USH2A: variants seen among roughly 807,000 people sequenced by gnomAD.
The protein encoded by USH2A is usherin.
USH2A carries 443 observed loss-of-function variants against 538.9 expected under a neutral mutation model. That is an observed-to-expected ratio of 0.82 (90% CI 0.76 to 0.89). The LOEUF (loss-of-function observed/expected upper bound fraction) is 0.89. Among genes scored for constraint, USH2A ranks in the 40% least tolerant of loss-of-function variants. The probability of loss-of-function intolerance (pLI) is 0.00; values close to 1 mark genes in which losing one functional copy is unlikely to be tolerated. For missense variants in USH2A, 6,633 were observed against 6,324.8 expected (o/e 1.05, Z -1.65); for synonymous variants, 2,413 against 2,273.5 (o/e 1.06, Z -1.75).
intron 60 of USH2A, 143 bp from the exon 61 acceptor site, chr1:215,728,527 C>A: frequency 2.5e-6 from 2 of 795,444 alleles, no homozygotes; most frequent in Non-Finnish European, 4.1e-6. Context: ...TAAAGAAAAA[C>A]CAGATGGAGA....
At chr1:215,738,467 G>A (rs924109123) in intron 60 of USH2A, among the ~76,000 whole-genome samples, 24 of 152,142 alleles carry the variant, frequency 1.6e-4, no homozygotes, top group East Asian at 5.8e-4. Flanking sequence ...ATTTTGTTTC[G>A]TTTTTGAAAT....
At chr1:215,690,955 C>G (rs1413862061) in intron 61 of USH2A, among the ~76,000 whole-genome samples, 1 of 152,060 alleles carries the variant, frequency 6.6e-6, no homozygotes, top group Non-Finnish European at 1.5e-5. Context: ...AGCCTCTTGG[C>G]TCACTGCAAC....
chr1:216,110,016 AT>A (rs1227831134), intron 21 of USH2A, among the ~76,000 whole-genome samples: 1 of 152,206 alleles, frequency 6.6e-6, no homozygotes, highest in Admixed American at 6.6e-5. Flanking sequence ...AGATGATTAT[AT>A]TCTCATAAGA....
chr1:216,371,870 C>T (rs376142492), intron 3 of USH2A, among the ~76,000 whole-genome samples: 45 of 152,202 alleles, frequency 3.0e-4, no homozygotes, highest in African/African-American at 8.2e-4. Flanking sequence ...GAAAAGGCAC[C>T]GTTTTCTAAC....
At chr1:215,700,799 C>CT (rs1461373437) in intron 61 of USH2A, among the ~76,000 whole-genome samples, 8 of 152,046 alleles carry the variant, frequency 5.3e-5, no homozygotes, top group Non-Finnish European at 4.4e-5. Flanking sequence ...TTTCATGTCT[C>CT]TATCTTCTTC....
At chr1:215,945,258 T>G (rs1227978125) in intron 37 of USH2A, among the ~76,000 whole-genome samples, 2 of 152,126 alleles carry the variant, frequency 1.3e-5, no homozygotes, top group East Asian at 3.9e-4. Context: ...AGTTGAGCTG[T>G]TTTTCTCTTT....
intron 52 of USH2A, 108 bp from the exon 53 acceptor site, chr1:215,783,043 T>A: frequency 1.0e-6 from 1 of 970,088 alleles, no homozygotes; most frequent in Non-Finnish European, 1.5e-6. Context: ...AAATGTTTAA[T>A]GCTCTAAACG....
At chr1:215,965,500 A>G in intron 36 of USH2A, 21 bp from the exon 37 acceptor site, 1 of 1,612,618 alleles carries the variant, frequency 6.2e-7, no homozygotes, top group South Asian at 1.1e-5. Flanking sequence ...AAAAAGATTT[A>G]TTTTTGTTTG....
chr1:215,953,796 T>G (rs373922849), intron 37 of USH2A, among the ~76,000 whole-genome samples: 6 of 149,756 alleles, frequency 4.0e-5, no homozygotes, highest in Non-Finnish European at 6.0e-5. Flanking sequence ...ATGGGAGAAA[T>G]TTTTTGCAAT....
At chr1:216,126,332 T>G (rs1354512182) in intron 21 of USH2A, among the ~76,000 whole-genome samples, 1 of 152,184 alleles carries the variant, frequency 6.6e-6, no homozygotes, top group Non-Finnish European at 1.5e-5. Flanking sequence ...CAAGCAATTT[T>G]CCTGTATCAG....
intron 21 of USH2A, among the ~76,000 whole-genome samples, chr1:216,103,405 CAACTT>C (rs1201943012): frequency 3.9e-5 from 6 of 152,202 alleles, no homozygotes; most frequent in African/African-American, 1.4e-4. Flanking sequence ...TTATCCCTGT[CAACTT>C]AACTTTGTTA....
At chr1:215,753,283 C>T (rs1031172106) in intron 58 of USH2A, among the ~76,000 whole-genome samples, 43 of 152,048 alleles carry the variant, frequency 2.8e-4, no homozygotes, top group Non-Finnish European at 4.7e-4. Context: ...ACTAGAAATA[C>T]CATTTGACCC....
chr1:216,386,239 T>A (rs1206437326), intron 3 of USH2A, among the ~76,000 whole-genome samples: 1 of 152,148 alleles, frequency 6.6e-6, no homozygotes, highest in Non-Finnish European at 1.5e-5. Flanking sequence ...GGCTCATGCC[T>A]GTAATCCCAG....
chr1:215,827,241 G>A (rs892697903), intron 47 of USH2A, among the ~76,000 whole-genome samples: 9 of 151,998 alleles, frequency 5.9e-5, no homozygotes, highest in Non-Finnish European at 1.3e-4. Flanking sequence ...GTTTTTAATG[G>A]AACCAATAAA....
chr1:215,719,078 G>A (rs1659577446), intron 61 of USH2A, among the ~76,000 whole-genome samples: 1 of 152,128 alleles, frequency 6.6e-6, no homozygotes, highest in Non-Finnish European at 1.5e-5. Flanking sequence ...ACTACTATTT[G>A]GCATAGGGGA....
At chr1:216,172,296 T>C (rs903861247) in intron 21 of USH2A, among the ~76,000 whole-genome samples, 2 of 152,096 alleles carry the variant, frequency 1.3e-5, no homozygotes, top group Non-Finnish European at 2.9e-5. Flanking sequence ...ATTCCTGTCA[T>C]TGATGGGTAC....
chr1:215,810,081 T>C (rs4265404), intron 49 of USH2A, among the ~76,000 whole-genome samples: 109,574 of 151,930 alleles, frequency 0.72, 39,974 homozygotes, highest in African/African-American at 0.82. Context: ...TTTTCCTTTT[T>C]TCTTGACACC....
intron 32 of USH2A, among the ~76,000 whole-genome samples, chr1:216,015,674 C>A (rs992264070): frequency 1.8e-4 from 28 of 152,186 alleles, no homozygotes; most frequent in African/African-American, 6.8e-4. Flanking sequence ...TCCTCTCCAG[C>A]ACCTTCTGTT....
intron 44 of USH2A, among the ~76,000 whole-genome samples, chr1:215,857,577 A>G (rs985397801): frequency 1.3e-5 from 2 of 151,272 alleles, no homozygotes; most frequent in Non-Finnish European, 3.0e-5. Context: ...TTATGAAAGG[A>G]GAAACACGCA....
Sources: gnomAD v4.1 joint callset for allele counts (sites outside exome capture counted in the v4.1 genomes callset) on GRCh38, gnomAD v4.1.1 for gene constraint, MANE v1.5 for transcripts, NCBI Gene and HGNC (gene_info 2026-07-23, HGNC 2026-07-21) for gene names.